The following NF1 variants were observed in gnomAD, a reference collection of about 807,000 sequenced individuals.
NF1 encodes the protein neurofibromin 1, also known as neurofibromin.
Under a neutral mutation model 325.7 loss-of-function variants are expected in NF1, and 122 were observed. The ratio of observed to expected loss-of-function variants is 0.37; its 90% confidence interval spans 0.32 to 0.44. The LOEUF is 0.44. Ranked by LOEUF, NF1 falls within the 20% of genes least tolerant of loss-of-function variation. NF1 has a pLI of 1.00. For synonymous variants in NF1, 1,091 were observed against 1,186.0 expected, an observed-to-expected ratio of 0.92 and a Z score of 1.65; for missense variants, 2,140 against 3,415.4, an observed-to-expected ratio of 0.63 and a Z score of 9.31.
chr17:31,243,214 T>TGTGTGTGTGTG (rs1369781933), intron 29 of NF1, among the ~76,000 whole-genome samples: 3 of 70,486 alleles, frequency 4.3e-5, no homozygotes, highest in African/African-American at 1.8e-4. Context: ...GTGTGTGTGT[T>TGTGTGTGTGTG]GAGCTGCCTG....
In NF1 at chr17:31,330,087, A is replaced by AGT. The variant is rs1400243684; in HGVS notation, c.5610-204_5610-203dup. 7.9e-5 allele frequency among the ~76,000 whole-genome samples: 12 copies of AGT among 152,248 alleles called. No homozygotes were observed. The East Asian group carries it at 2.3e-3, about 29-fold the overall frequency. ...TCACAGTGCTCTTATGGTTATATCA[A>AGT]GTGTGTCCCTTTTTATAAAATCCCT... On this transcript the variant is annotated intron_variant, in intron 38 of 57. Transcript: ENST00000358273.
At chr17:31,239,490 A>G (rs1283873580) in intron 29 of NF1, among the ~76,000 whole-genome samples, 1 of 151,810 alleles carries the variant, frequency 6.6e-6, no homozygotes, top group South Asian at 2.1e-4. Context: ...GAAAATCTAA[A>G]ATGAATTATC....
chr17:31,342,061 G>C (rs2069838724), intron 47 of NF1, among the ~76,000 whole-genome samples: 1 of 152,180 alleles, frequency 6.6e-6, no homozygotes, highest in Admixed American at 6.5e-5. Flanking sequence ...ACCTGGAACA[G>C]ATATGGGTCT....
At chr17:31,151,050 A>G (rs1237392479) in intron 1 of NF1, among the ~76,000 whole-genome samples, 1 of 151,824 alleles carries the variant, frequency 6.6e-6, no homozygotes, top group Non-Finnish European at 1.5e-5. Flanking sequence ...AAAAATAAAT[A>G]AATAAATAAA....
chr17:31,361,081 C>CAAAAAAAAAAAAAA (rs60249232), intron 57 of NF1: 36 of 46,550 alleles, frequency 7.7e-4, no homozygotes, highest in Non-Finnish European at 9.9e-4. Context: ...CATACTATAT[C>CAAAAAAAAAAAAAA]AAAAAAAAAA....
intron 48 of NF1, chr17:31,346,001 T>C (rs1398747173): frequency 6.2e-7 from 1 of 1,612,752 alleles, no homozygotes; most frequent in Non-Finnish European, 8.5e-7. Flanking sequence ...AGCAGGAGGA[T>C]GATAAACCCG....
At chr17:31,190,665 G>T (rs1482773943) in intron 8 of NF1, among the ~76,000 whole-genome samples, 1 of 152,114 alleles carries the variant, frequency 6.6e-6, no homozygotes, top group East Asian at 1.9e-4. Context: ...ATATATCCTT[G>T]TTAACTGATG....
intron 36 of NF1, among the ~76,000 whole-genome samples, chr17:31,266,173 C>G (rs1336336241): frequency 6.6e-6 from 1 of 152,126 alleles, no homozygotes; most frequent in Non-Finnish European, 1.5e-5. Flanking sequence ...TACCAGTTTC[C>G]TGAATTTAAC....
At chr17:31,369,086 T>C (rs2070585106) in intron 57 of NF1, among the ~76,000 whole-genome samples, 1 of 152,190 alleles carries the variant, frequency 6.6e-6, no homozygotes, top group African/African-American at 2.4e-5. Context: ...AGCGATTCTG[T>C]TGTTTTATTA....
At chr17:31,283,144 G>A (rs1217549799) in intron 36 of NF1, among the ~76,000 whole-genome samples, 2 of 152,234 alleles carry the variant, frequency 1.3e-5, no homozygotes, top group African/African-American at 2.4e-5. Context: ...AAGTCCGGAC[G>A]CAGTGGATCA....
intron 1 of NF1, chr17:31,137,797 A>G (rs1420951886): frequency 6.6e-6 from 1 of 152,020 alleles, no homozygotes; most frequent in East Asian, 1.9e-4. Flanking sequence ...TTTTTTGAAA[A>G]AAAAATTGAT....
At chr17:31,253,626 C>A (rs2067530683) in intron 31 of NF1, 2 of 152,162 alleles carry the variant, frequency 1.3e-5, no homozygotes, top group African/African-American at 2.4e-5. Flanking sequence ...AAACTGAGTT[C>A]ATATTTGTAG....
chr17:31,287,961 TG>T (rs1275545359), intron 36 of NF1, among the ~76,000 whole-genome samples: 1 of 146,950 alleles, frequency 6.8e-6, no homozygotes, highest in Non-Finnish European at 1.5e-5. Flanking sequence ...GGGATAGCAT[TG>T]GGAGATATAC....
rs1204814272 is a variant in NF1 at position 31,145,382 on chromosome 17, G to A, written c.61-10601G>A. ...TAATTTTTGTATTTTTGGGTTTCACGAGGTTTCCCCATTTGGCCAGGCTGG... is the reference window on the plus strand; with the variant it reads ...TAATTTTTGTATTTTTGGGTTTCACAAGGTTTCCCCATTTGGCCAGGCTGG... On this transcript the variant is annotated intron_variant, in intron 1 of 57. Transcript: ENST00000358273. Among the ~76,000 whole-genome samples the A allele has an allele frequency of 7.2e-5, 11 of 152,062 alleles. No individual in the cohort carries two copies. The East Asian group carries it at 2.1e-3, about 29-fold the overall frequency.
rs190014513 is a variant in NF1 at position 31,119,564 on chromosome 17, C to G, written c.60+24195C>G. Among the ~76,000 whole-genome samples the G allele has an allele frequency of 1.8e-3, 274 of 151,954 alleles. 2 individuals are homozygous for G. Among genetic ancestry groups the G allele is most frequent in the African/African-American group, 6.2e-3 (257 of 41,436 alleles). On this transcript the variant is annotated intron_variant, in intron 1 of 57. Coordinates refer to ENST00000358273, the MANE Select transcript of NF1 (RefSeq NM_001042492.3). Reference sequence around the variant, plus strand: ...AATTTTCTCCCATTCTGTAGGTTGCCTATTCACTCATGATAGTTTCTTTTG... The same window carrying G: ...AATTTTCTCCCATTCTGTAGGTTGCGTATTCACTCATGATAGTTTCTTTTG...
intron 57 of NF1, among the ~76,000 whole-genome samples, chr17:31,369,128 G>C (rs1247842740): frequency 1.3e-5 from 2 of 152,104 alleles, no homozygotes; most frequent in Non-Finnish European, 2.9e-5. Context: ...GATTATTTCA[G>C]TTTGGGAAAC....
chr17:31,111,173 G>A (rs1913381356), intron 1 of NF1, among the ~76,000 whole-genome samples: 1 of 151,466 alleles, frequency 6.6e-6, no homozygotes, highest in Non-Finnish European at 1.5e-5. Context: ...AGACTAGAGA[G>A]CTTGTGGACA....
At chr17:31,151,442 C>T (rs117571663) in intron 1 of NF1, among the ~76,000 whole-genome samples, 3,926 of 152,246 alleles carry the variant, frequency 0.026, 86 homozygotes, top group Middle Eastern at 0.041. Flanking sequence ...TCTAGTATAT[C>T]CTCCAGGAAA....
At chr17:31,155,863 T>G (rs2143622695) in intron 1 of NF1, 120 bp from the exon 2 acceptor site, 1 of 1,110,572 alleles carries the variant, frequency 9.0e-7, no homozygotes. Flanking sequence ...GATGCAAGTA[T>G]AGGTATCTGT....
Sources: gnomAD v4.1 joint callset for allele counts (sites outside exome capture counted in the v4.1 genomes callset) on GRCh38, gnomAD v4.1.1 for gene constraint, MANE v1.5 for transcripts, NCBI Gene and HGNC (gene_info 2026-07-23, HGNC 2026-07-21) for gene names.